The following PPP2R2B variants were observed in gnomAD, a reference collection of about 807,000 sequenced individuals.
PPP2R2B encodes the protein serine/threonine-protein phosphatase 2A 55 kDa regulatory subunit B beta isoform.
A neutral mutation model predicts 46.0 loss-of-function variants in PPP2R2B; 5 were observed. The observed-to-expected ratio is 0.11, with a 90% CI of 0.06 to 0.23. PPP2R2B has a LOEUF of 0.23. Among genes scored for constraint, PPP2R2B ranks in the 10% least tolerant of loss-of-function variants. The probability of loss-of-function intolerance (pLI) is 1.00; values close to 1 mark genes in which losing one functional copy is unlikely to be tolerated. For synonymous variants in PPP2R2B, 215 were observed against 206.7 expected, an observed-to-expected ratio of 1.04 and a Z score of -0.34; for missense variants, 367 against 575.0, an observed-to-expected ratio of 0.64 and a Z score of 3.70.
At chr5:146,682,205 T>G (rs1464734987) in intron 5 of PPP2R2B, among the ~76,000 whole-genome samples, 1 of 152,234 alleles carries the variant, frequency 6.6e-6, no homozygotes, top group Non-Finnish European at 1.5e-5. Flanking sequence ...GAATACACTC[T>G]GAATGCAAGG....
At chr5:146,690,075 G>A (rs1395865171) in intron 5 of PPP2R2B, among the ~76,000 whole-genome samples, 2 of 152,198 alleles carry the variant, frequency 1.3e-5, no homozygotes, top group Non-Finnish European at 2.9e-5. Context: ...TTCAAACATA[G>A]GGCAAGAACC....
intron 5 of PPP2R2B, among the ~76,000 whole-genome samples, chr5:146,668,814 T>C (rs17105086): frequency 0.18 from 26,895 of 152,176 alleles, 2,849 homozygotes; most frequent in East Asian, 0.36. Context: ...TACTGCTTTC[T>C]GACCTCTTTG....
chr5:146,895,890 T>C (rs1762630015), intron 1 of PPP2R2B, among the ~76,000 whole-genome samples: 1 of 152,178 alleles, frequency 6.6e-6, no homozygotes, highest in African/African-American at 2.4e-5. Flanking sequence ...GTGTACATAA[T>C]TGGAAGACAT....
At chr5:147,034,444 G>A (rs1755942222) in intron 1 of PPP2R2B, among the ~76,000 whole-genome samples, 1 of 152,030 alleles carries the variant, frequency 6.6e-6, no homozygotes, top group Non-Finnish European at 1.5e-5. Context: ...CCCATAGTAG[G>A]TCCTTATTAC....
intron 2 of PPP2R2B, among the ~76,000 whole-genome samples, chr5:147,076,409 T>C (rs573800033): frequency 9.6e-4 from 146 of 152,294 alleles, no homozygotes; most frequent in African/African-American, 3.3e-3. Flanking sequence ...TTAATGATCA[T>C]ATATGCATAA....
In PPP2R2B at chr5:146,756,767, A is replaced by G. The variant is rs902105036; in HGVS notation, c.71-55625T>C. ...GTGTACTTAAAAGAATGCCTGATGC[A>G]TAGTCAACATTCAGTGACTGTTGTT... On this transcript the variant is annotated intron_variant, in intron 2 of 9. Coordinates refer to ENST00000394411, the MANE Select transcript of PPP2R2B (RefSeq NM_181675.4). Among the ~76,000 whole-genome samples, 10 of 152,350 alleles carry G rather than the reference A, an allele frequency of 6.6e-5. No homozygotes were observed. In the South Asian group the frequency reaches 1.2e-3, roughly 19 times the overall value.
At chr5:146,930,281 A>G (rs1469088702) in intron 1 of PPP2R2B, among the ~76,000 whole-genome samples, 1 of 152,172 alleles carries the variant, frequency 6.6e-6, no homozygotes, top group Non-Finnish European at 1.5e-5. Context: ...AAGGAACAAC[A>G]AGGACAGATG....
chr5:147,056,803 A>G (rs1419039603), upstream of PPP2R2B, among the ~76,000 whole-genome samples: 1 of 152,166 alleles, frequency 6.6e-6, no homozygotes, highest in South Asian at 2.1e-4. Context: ...TGAAATAATA[A>G]TGACTTTGGA....
At chr5:146,624,539 C>A (rs1016430140) in intron 7 of PPP2R2B, among the ~76,000 whole-genome samples, 1 of 152,188 alleles carries the variant, frequency 6.6e-6, no homozygotes, top group African/African-American at 2.4e-5. Flanking sequence ...ACCTGGAGCA[C>A]TTTGATAGCT....
chr5:146,594,893 GA>G (rs933814099), intron 8 of PPP2R2B, among the ~76,000 whole-genome samples: 8 of 152,178 alleles, frequency 5.3e-5, no homozygotes, highest in African/African-American at 1.9e-4. Context: ...GTGATGATTC[GA>G]TCTCTTTTTT....
At chr5:146,996,897 T>C (rs961593803) in intron 1 of PPP2R2B, among the ~76,000 whole-genome samples, 3 of 152,014 alleles carry the variant, frequency 2.0e-5, no homozygotes, top group Non-Finnish European at 4.4e-5. Flanking sequence ...CCCCAGTTTC[T>C]CTCTCCCTCC....
intron 2 of PPP2R2B, among the ~76,000 whole-genome samples, chr5:146,873,605 TCA>T (rs1180485722): frequency 6.6e-6 from 1 of 152,128 alleles, no homozygotes; most frequent in Non-Finnish European, 1.5e-5. Flanking sequence ...ACCCACCACC[TCA>T]ATTTAGTTAT....
At chr5:146,865,951 T>C (rs1761287100) in intron 2 of PPP2R2B, among the ~76,000 whole-genome samples, 1 of 152,180 alleles carries the variant, frequency 6.6e-6, no homozygotes, top group African/African-American at 2.4e-5. Flanking sequence ...ACTTAGACGA[T>C]TAATACTGTT....
At chr5:146,714,097 A>C (rs1780352467) in intron 2 of PPP2R2B, among the ~76,000 whole-genome samples, 1 of 152,100 alleles carries the variant, frequency 6.6e-6, no homozygotes, top group Non-Finnish European at 1.5e-5. Flanking sequence ...GAAGAAGAAA[A>C]TCCAGGGAAA....
chr5:146,901,067 A>G (rs1164069160), intron 1 of PPP2R2B, among the ~76,000 whole-genome samples: 2 of 152,152 alleles, frequency 1.3e-5, no homozygotes, highest in Non-Finnish European at 2.9e-5. Context: ...TGTCTTTGCT[A>G]TTGTGAATAG....
At chr5:146,702,868 A>G (rs915163536) in intron 2 of PPP2R2B, among the ~76,000 whole-genome samples, 2 of 152,172 alleles carry the variant, frequency 1.3e-5, no homozygotes, top group Admixed American at 1.3e-4. Context: ...ATACTACCTT[A>G]AGGAAACACA....
intron 2 of PPP2R2B, among the ~76,000 whole-genome samples, chr5:146,813,681 C>T (rs564725349): frequency 1.3e-5 from 2 of 152,328 alleles, no homozygotes; most frequent in South Asian, 4.1e-4. Flanking sequence ...TTTTCCACTG[C>T]TCTGCTCCGC....
intron 1 of PPP2R2B, among the ~76,000 whole-genome samples, chr5:146,954,137 T>C (rs1004643907): frequency 2.4e-4 from 36 of 152,062 alleles, no homozygotes; most frequent in Non-Finnish European, 4.6e-4. Flanking sequence ...ACTTTTTTTT[T>C]TTTTTTTCAG....
In PPP2R2B at chr5:146,878,410, C is replaced by T; in HGVS notation, c.-125+181G>A. ...CGAGGGGTCTGGTCCCGCCCGCCCG[C>T]CCCGGAGGCGCTCACAAGCGGGTCT... On this transcript the variant is annotated intron_variant, in intron 1 of 9. Transcript: ENST00000394411. The surrounding 1 kb of genome is among the most constrained non-coding windows in gnomAD (Gnocchi z 4.5). 1 of 1,420,138 alleles carries T rather than the reference C, an allele frequency of 7.0e-7. No individual in the cohort carries two copies. The highest frequency in any genetic ancestry group is 9.2e-7 in the Non-Finnish European group (1 of 1,091,196). 88.0% of individuals were successfully genotyped at this position (1,420,138 alleles called of 1,614,324 possible).
Sources: gnomAD v4.1 joint callset for allele counts (sites outside exome capture counted in the v4.1 genomes callset) on GRCh38, gnomAD v4.1.1 for gene constraint, Gnocchi (gnomAD v3.1) non-coding constraint, MANE v1.5 for transcripts, NCBI Gene and HGNC (gene_info 2026-07-23, HGNC 2026-07-21) for gene names.